Variants in TRIM37 observed in about 807,000 individuals in gnomAD.
TRIM37 encodes the protein E3 ubiquitin-protein ligase TRIM37.
Under a neutral mutation model 129.8 loss-of-function variants are expected in TRIM37, and 80 were observed. The observed-to-expected ratio is 0.62, with a 90% CI of 0.51 to 0.74. The LOEUF (loss-of-function observed/expected upper bound fraction) is 0.74, where lower values mean the gene tolerates loss of function less well. TRIM37 is among the 30% of genes least tolerant of loss of function. TRIM37 has a pLI of 0.00. For missense variants in TRIM37, 1,054 were observed against 1,176.5 expected (o/e 0.90, Z 1.52); for synonymous variants, 389 against 387.1 (o/e 1.00, Z -0.06).
chr17:59,038,855 G>A (rs2038836021), intron 17 of TRIM37, among the ~76,000 whole-genome samples: 3 of 152,122 alleles, frequency 2.0e-5, no homozygotes, highest in Admixed American at 2.0e-4. Flanking sequence ...AGCTAAGCAA[G>A]CACTGGCCTC....
At chr17:59,046,831 T>C (rs1420076731) in intron 16 of TRIM37, among the ~76,000 whole-genome samples, 1 of 147,370 alleles carries the variant, frequency 6.8e-6, no homozygotes, top group Non-Finnish European at 1.5e-5. Flanking sequence ...TGAGCCACCG[T>C]GCCCAGCCGA....
In TRIM37 at chr17:59,001,467, AAAG is replaced by A. The variant is rs1297522400; in HGVS notation, c.2812+128_2812+130del. Reference sequence around the variant, plus strand: ...AATGACAATAATTAAAAAAAAAAAAAAAGAAGTAGAAGCAGAAGAAGCAAAAGC... The same window carrying A: ...AATGACAATAATTAAAAAAAAAAAAAAAGTAGAAGCAGAAGAAGCAAAAGC... On this transcript the variant is annotated intron_variant, in intron 23 of 23. Transcript: ENST00000262294. 4 of 1,128,002 alleles carry A rather than the reference AAAG, an allele frequency of 3.5e-6. No individual in the cohort carries two copies. The South Asian group carries it at 4.4e-5, about 12-fold the overall frequency. 69.9% of individuals were successfully genotyped at this position (1,128,002 alleles called of 1,614,324 possible).
chr17:59,084,037 A>T lies in TRIM37; in HGVS notation c.334T>A (p.Cys112Ser). The T allele has an allele frequency of 6.2e-7, 1 of 1,613,916 alleles. No individual in the cohort carries two copies. The highest frequency in any genetic ancestry group is 1.1e-5 in the South Asian group (1 of 91,084). Residue 112 changes from cysteine (C) to serine (S), a missense_variant, in exon 5 of 24, where the codon TGT (cysteine) becomes AGT (serine). Cys to Ser is a moderately radical substitution (Grantham distance 112). This residue lies in a region of TRIM37 where 752 missense variants were observed against 870.8 expected (regional missense o/e 0.86). Coordinates refer to ENST00000262294, the MANE Select transcript of TRIM37 (RefSeq NM_015294.6). The stretch of plus-strand genomic sequence containing the variant: ...CAAAGTGCACACTGATGGCAGATAC[A>T]CTTCTTACAAGTCCAGCAAAATACA... ...LSVFCWTCKKCICHQCALWGG... is the reference protein window; with the variant it reads ...LSVFCWTCKKSICHQCALWGG...
chr17:59,091,510 C>CAT (rs1173461238), intron 2 of TRIM37, among the ~76,000 whole-genome samples, 170 bp from the exon 3 acceptor site: 4 of 71,792 alleles, frequency 5.6e-5, no homozygotes, highest in South Asian at 1.0e-3. Context: ...TATAACATAT[C>CAT]ATATATATAT....
At chr17:59,040,038 C>G (rs2038979700) in intron 17 of TRIM37, among the ~76,000 whole-genome samples, 1 of 151,982 alleles carries the variant, frequency 6.6e-6, no homozygotes, top group Admixed American at 6.6e-5. Flanking sequence ...GCTGGGACCA[C>G]AGGCAGCAAT....
Position 59,017,435 on chromosome 17 carries a change from A to G in TRIM37, c.2258-11T>C. 1 of 1,613,824 alleles carries G rather than the reference A, an allele frequency of 6.2e-7. No homozygotes were observed. The highest frequency in any genetic ancestry group is 1.3e-5 in the African/African-American group (1 of 75,024). ...TCTTCTTATTTGTGGCTGCAAAGAC[A>G]TTTAAGAACACCTCTGAATAGGCTA... is the stretch of plus-strand genomic sequence containing the variant. On this transcript the variant is annotated splice_polypyrimidine_tract_variant and intron_variant, in intron 19 of 23. Transcript: ENST00000262294.
intron 15 of TRIM37, among the ~76,000 whole-genome samples, chr17:59,048,354 C>A (rs532555809): frequency 3.3e-5 from 5 of 152,190 alleles, no homozygotes; most frequent in Non-Finnish European, 7.3e-5. Context: ...TCTCGACCCA[C>A]TGGGTCCTTC....
intron 4 of TRIM37, among the ~76,000 whole-genome samples, chr17:59,084,908 A>G (rs1289695064): frequency 6.6e-6 from 1 of 152,214 alleles, no homozygotes; most frequent in Non-Finnish European, 1.5e-5. Flanking sequence ...TTAATCTTGG[A>G]CTTAACACCT....
chr17:59,081,142 T>A lies in TRIM37; in HGVS notation c.447A>T (p.Lys149Asn). The stretch of plus-strand genomic sequence containing the variant: ...TCAGTTCCATGAGACGCCGACGAAG[T>A]TTGGCTACCTCTTCATTCACTTTAG... ...HVTKVNEEVA[K>N]LRRRLMELIS... Residue 149 changes from lysine to asparagine, a missense_variant, in exon 6 of 24, where the codon AAA (lysine) becomes AAT (asparagine). Physicochemically the swap from Lys to Asn is moderately conservative, Grantham distance 94 (BLOSUM62 0). This residue lies in a region of TRIM37 where 752 missense variants were observed against 870.8 expected (regional missense o/e 0.86). Coordinates refer to ENST00000262294, the MANE Select transcript of TRIM37 (RefSeq NM_015294.6). The A allele has an allele frequency of 6.2e-7, 1 of 1,613,746 alleles. No homozygotes were observed. Among genetic ancestry groups the A allele is most frequent in the Non-Finnish European group, 8.5e-7 (1 of 1,179,806 alleles).
the TRIM37 span, among the ~76,000 whole-genome samples, chr17:58,975,000 C>G: frequency 7.9e-5 from 12 of 152,010 alleles, no homozygotes; most frequent in Admixed American, 6.6e-4. Flanking sequence ...TAAAATATAC[C>G]CTTATATGGA....
intron 13 of TRIM37, among the ~76,000 whole-genome samples, chr17:59,053,546 T>C (rs2040552044): frequency 6.6e-6 from 1 of 152,196 alleles, no homozygotes; most frequent in Admixed American, 6.5e-5. Flanking sequence ...AGGCATATGG[T>C]ATAGACTCAA....
chr17:59,014,347 T>C (rs1212869844), intron 21 of TRIM37, among the ~76,000 whole-genome samples: 7 of 152,178 alleles, frequency 4.6e-5, no homozygotes, highest in Admixed American at 3.9e-4. Flanking sequence ...AATTTAGAAA[T>C]AGGTTTAATA....
chr17:58,992,772 A>G (rs946728593), intron 24 of TRIM37, among the ~76,000 whole-genome samples: 1 of 152,134 alleles, frequency 6.6e-6, no homozygotes, highest in African/African-American at 2.4e-5. Flanking sequence ...CAGAGCTCCA[A>G]CTGTCTAATG....
intron 14 of TRIM37, among the ~76,000 whole-genome samples, chr17:59,050,927 C>A (rs2040276817): frequency 6.6e-6 from 1 of 152,064 alleles, no homozygotes; most frequent in Non-Finnish European, 1.5e-5. Flanking sequence ...TTGCAGTGAG[C>A]CGAGATTGCA....
chr17:58,980,671 G>A (rs759121062), downstream of TRIM37: 43 of 1,614,032 alleles, frequency 2.7e-5, no homozygotes, highest in Admixed American at 1.2e-4. The surrounding 1 kb of genome is among the most constrained non-coding windows in gnomAD (Gnocchi z 4.7). Context: ...GTTCAACAGG[G>A]GAGCAGATAT....
intron 2 of TRIM37, among the ~76,000 whole-genome samples, chr17:59,095,510 C>G (rs2147414263): frequency 6.6e-6 from 1 of 152,224 alleles, no homozygotes; most frequent in African/African-American, 2.4e-5. Flanking sequence ...CTTTTAAATA[C>G]TTTTAGCTAT....
At chr17:59,069,985 TA>T (rs2042234361) in intron 9 of TRIM37, among the ~76,000 whole-genome samples, 1 of 152,200 alleles carries the variant, frequency 6.6e-6, no homozygotes, top group Non-Finnish European at 1.5e-5. Context: ...TGTGAGAAAA[TA>T]CATTTCTGTT....
At chr17:59,060,269 C>A (rs1309825714) in intron 12 of TRIM37, among the ~76,000 whole-genome samples, 1 of 151,964 alleles carries the variant, frequency 6.6e-6, no homozygotes, top group African/African-American at 2.4e-5. Context: ...TCTCATCTCT[C>A]AGGGACTACT....
intron 9 of TRIM37, among the ~76,000 whole-genome samples, chr17:59,066,368 A>G (rs1490161248): frequency 1.3e-5 from 2 of 152,226 alleles, no homozygotes; most frequent in Admixed American, 6.5e-5. Context: ...GCTAATCTGC[A>G]TATTATTTCT....
Sources: gnomAD v4.1 joint callset for allele counts (sites outside exome capture counted in the v4.1 genomes callset) on GRCh38, gnomAD v4.1.1 for gene constraint, gnomAD v4.1.1 regional missense constraint, Gnocchi (gnomAD v3.1) non-coding constraint, MANE v1.5 for transcripts, NCBI Gene and HGNC (gene_info 2026-07-23, HGNC 2026-07-21) for gene names.